MYLK: variants seen among roughly 807,000 people sequenced by gnomAD.
MYLK encodes myosin light chain kinase, also known as myosin light chain kinase, smooth muscle.
In MYLK, 106 loss-of-function variants were observed where a neutral mutation model predicts 203.4. The observed-to-expected ratio is 0.52, with a 90% CI of 0.45 to 0.61. The LOEUF is 0.61. Ranked by LOEUF, MYLK falls within the 20% of genes least tolerant of loss-of-function variation. MYLK has a pLI of 0.00. For synonymous variants in MYLK, 867 were observed against 959.5 expected (o/e 0.90, Z 1.78); for missense variants, 2,072 against 2,442.3 (o/e 0.85, Z 3.20).
Position 123,640,123 on chromosome 3 carries a change from T to C in MYLK, c.4837+164A>G, listed in dbSNP as rs2108107949. Among the ~76,000 whole-genome samples the C allele has an allele frequency of 6.6e-6, 1 of 152,078 alleles. No individual in the cohort carries two copies. Among genetic ancestry groups the C allele is most frequent in the Middle Eastern group, 3.4e-3 (1 of 294 alleles). ...CTTTTCTGATGGGGAATTTGAGGCT[T>C]ACTGTCACGTCTAGTATGTGGTAGG... On this transcript the variant is annotated intron_variant, in intron 28 of 33. Coordinates refer to ENST00000360304, the MANE Select transcript of MYLK (RefSeq NM_053025.4). This position sits in a 1 kb window ranked among gnomAD's most constrained non-coding sequence, Gnocchi z 4.3.
chr3:123,866,338 T>C (rs1048693820), intron 2 of MYLK, among the ~76,000 whole-genome samples: 33 of 152,144 alleles, frequency 2.2e-4, no homozygotes, highest in African/African-American at 7.7e-4. Flanking sequence ...ATATAACTGG[T>C]ACACCCCCTT....
intron 2 of MYLK, among the ~76,000 whole-genome samples, chr3:123,870,063 T>C (rs2032657782): frequency 6.6e-6 from 1 of 152,158 alleles, no homozygotes; most frequent in Non-Finnish European, 1.5e-5. Context: ...CACACTCTTC[T>C]ATAAAAGGAT....
intron 2 of MYLK, among the ~76,000 whole-genome samples, chr3:123,845,485 C>T (rs182587538): frequency 3.2e-3 from 484 of 152,120 alleles, no homozygotes; most frequent in African/African-American, 0.011. Context: ...TTTGGGTTTT[C>T]GTTTTGTTTT....
intron 20 of MYLK, among the ~76,000 whole-genome samples, chr3:123,673,965 T>G (rs1209334857): frequency 6.6e-6 from 1 of 152,134 alleles, no homozygotes; most frequent in Non-Finnish European, 1.5e-5. Context: ...GGTAGAGCAC[T>G]GCCCCGGGGT....
chr3:123,823,643 A>T (rs1460583162), intron 3 of MYLK, among the ~76,000 whole-genome samples: 1 of 151,764 alleles, frequency 6.6e-6, no homozygotes, highest in Non-Finnish European at 1.5e-5. Context: ...TTCCACTCTC[A>T]CTTCCCTACA....
chr3:123,762,803 C>T (rs1003067789), intron 4 of MYLK, among the ~76,000 whole-genome samples: 1 of 152,162 alleles, frequency 6.6e-6, no homozygotes, highest in African/African-American at 2.4e-5. Context: ...ACAAGGTGCT[C>T]TCTTGGAAAC....
At chr3:123,666,088 G>A (rs41304996) in intron 22 of MYLK, 131 bp downstream of exon 22, 86,411 of 1,418,986 alleles carry the variant, frequency 0.061, 3,190 homozygotes, top group Non-Finnish European at 0.074. Flanking sequence ...GGGTAGGGGA[G>A]TGGCCTCTCC....
At chr3:123,816,106 C>T (rs2065740576) in intron 3 of MYLK, among the ~76,000 whole-genome samples, 1 of 152,224 alleles carries the variant, frequency 6.6e-6, no homozygotes. Context: ...ATAATGATAT[C>T]AACACTTCCT....
At chr3:123,751,757 C>T (rs2063199614) in intron 5 of MYLK, among the ~76,000 whole-genome samples, 1 of 152,080 alleles carries the variant, frequency 6.6e-6, no homozygotes, top group Admixed American at 6.6e-5. Flanking sequence ...AGAAAAACCT[C>T]GAGTGGGGTG....
chr3:123,842,716 T>C (rs2066623558), intron 2 of MYLK, among the ~76,000 whole-genome samples: 1 of 152,254 alleles, frequency 6.6e-6, no homozygotes, highest in Admixed American at 6.5e-5. Flanking sequence ...ACTTCTCTTT[T>C]GACATTGTTC....
chr3:123,843,874 C>T (rs2066650484), intron 2 of MYLK, among the ~76,000 whole-genome samples: 1 of 152,174 alleles, frequency 6.6e-6, no homozygotes, highest in Admixed American at 6.5e-5. Flanking sequence ...GGCAACAAGG[C>T]TGGGATGCTT....
chr3:123,688,047 T>A (rs983911858), intron 19 of MYLK, among the ~76,000 whole-genome samples: 1 of 152,068 alleles, frequency 6.6e-6, no homozygotes, highest in Non-Finnish European at 1.5e-5. Flanking sequence ...CTGGGTTTCT[T>A]CCCATCTCAC....
intron 3 of MYLK, among the ~76,000 whole-genome samples, chr3:123,821,225 T>A (rs965788016): frequency 1.3e-5 from 2 of 152,206 alleles, no homozygotes; most frequent in Non-Finnish European, 2.9e-5. Flanking sequence ...TCTTTTTTTA[T>A]ATTTTGGGTT....
In MYLK at chr3:123,610,685, A is replaced by G. The variant is rs1426476098; in HGVS notation, c.*3420T>C. 6.6e-6 allele frequency: 1 copy of G among 152,242 alleles called. No individual in the cohort carries two copies. Among genetic ancestry groups the G allele is most frequent in the Non-Finnish European group, 1.5e-5 (1 of 68,062 alleles). The allele number at this position is 152,242 out of a possible 1,614,324, so 9.4% of individuals were successfully genotyped here. ...AAATTACAGGAAGGAGTCCCAAGGG[A>G]TAAAGAGAGTAGTGCTACTTGTGTT... is the stretch of plus-strand genomic sequence containing the variant. On this transcript the variant is annotated 3_prime_UTR_variant, in exon 34 of 34. Transcript: ENST00000360304.
intron 18 of MYLK, 144 bp downstream of exon 18, chr3:123,699,876 A>T: frequency 9.3e-7 from 1 of 1,070,136 alleles, no homozygotes; most frequent in Non-Finnish European, 1.4e-6. Context: ...CGGCCCTCCT[A>T]CCCAGCAGGC....
At chr3:123,635,663 A>G (rs2058616311) in intron 29 of MYLK, among the ~76,000 whole-genome samples, 1 of 152,342 alleles carries the variant, frequency 6.6e-6, no homozygotes, top group East Asian at 1.9e-4. Flanking sequence ...AAACAAGGTA[A>G]CATAGTGCCC....
chr3:123,849,947 A>T (rs537086665), intron 2 of MYLK, among the ~76,000 whole-genome samples: 90 of 152,038 alleles, frequency 5.9e-4, no homozygotes, highest in Admixed American at 7.9e-4. Context: ...CCTGTGTCCA[A>T]GTGTTCTCAT....
At chr3:123,744,996 A>G (rs144995948) in intron 5 of MYLK, among the ~76,000 whole-genome samples, 208 of 152,336 alleles carry the variant, frequency 1.4e-3, no homozygotes, top group African/African-American at 4.7e-3. Context: ...AGGTAATTAT[A>G]TATAGATAGA....
rs898234053 is a variant in MYLK at position 123,629,361 on chromosome 3, C to T, written c.5114+113G>A. The T allele has an allele frequency of 2.0e-5, 27 of 1,325,356 alleles. 1 individual carries two copies. Among genetic ancestry groups the T allele is most frequent in the African/African-American group, 4.3e-5 (3 of 69,216 alleles). The allele number at this position is 1,325,356 out of a possible 1,614,324, so 82.1% of individuals were successfully genotyped here. ...TCCCTTCCTCAGGGAATGCTAGGAACGACCCAAGGCGGGGTGGCAAGGAGG... is the reference window on the plus strand; with the variant it reads ...TCCCTTCCTCAGGGAATGCTAGGAATGACCCAAGGCGGGGTGGCAAGGAGG... On this transcript the variant is annotated intron_variant, in intron 30 of 33. Transcript: ENST00000360304. This position sits in a 1 kb window ranked among gnomAD's most constrained non-coding sequence, Gnocchi z 4.4.
Sources: allele counts gnomAD v4.1 joint callset (sites outside exome capture counted in the v4.1 genomes callset), GRCh38; gene constraint gnomAD v4.1.1; non-coding constraint Gnocchi (gnomAD v3.1); transcripts MANE v1.5; gene names NCBI Gene and HGNC (gene_info 2026-07-23, HGNC 2026-07-21).